Variants in TTC34 observed in about 807,000 individuals in gnomAD.
TTC34 encodes tetratricopeptide repeat protein 34.
Under a neutral mutation model 40.7 loss-of-function variants are expected in TTC34, and 44 were observed. The observed-to-expected ratio is 1.08, with a 90% CI of 0.85 to 1.39. The LOEUF (loss-of-function observed/expected upper bound fraction) is 1.39. TTC34 is among the 40% of genes most tolerant of loss of function. The pLI is 0.00. For missense variants in TTC34, 884 were observed against 838.0 expected (o/e 1.05, Z -0.68); for synonymous variants, 422 against 398.6 (o/e 1.06, Z -0.70).
chr1:2,789,034 C>T (rs553364108), intron 3 of TTC34, among the ~76,000 whole-genome samples: 19 of 152,190 alleles, frequency 1.2e-4, no homozygotes, highest in African/African-American at 4.6e-4. Context: ...GCCAAGATTG[C>T]GCCATTGCAC....
At chr1:2,786,942 T>A (rs1643598368) in intron 4 of TTC34, among the ~76,000 whole-genome samples, 1 of 152,156 alleles carries the variant, frequency 6.6e-6, no homozygotes, top group Non-Finnish European at 1.5e-5. Context: ...GAGAAGGCCC[T>A]CACCCCAGGC....
exon 9 of TTC34, chr1:2,640,970 G>A (rs1197697749): frequency 6.1e-6 from 1 of 162,686 alleles, no homozygotes; most frequent in African/African-American, 2.6e-5. Context: ...AGAGGTGTGA[G>A]GCTGGCTGTC....
intron 6 of TTC34, among the ~76,000 whole-genome samples, chr1:2,687,632 G>A (rs1469489112): frequency 6.7e-6 from 1 of 148,826 alleles, no homozygotes; most frequent in Non-Finnish European, 1.5e-5. Flanking sequence ...TGATATCCTG[G>A]AACAGCACCC....
chr1:2,771,360 C>T lies in TTC34; in HGVS notation c.2226+12249G>A, dbSNP rs1475923664. Among the ~76,000 whole-genome samples the T allele has an allele frequency of 9.5e-5, 6 of 63,448 alleles. 2 individuals are homozygous for T. Among genetic ancestry groups the T allele is most frequent in the Non-Finnish European group, 1.6e-4 (6 of 37,556 alleles). The allele number at this position is 63,448 out of a possible 152,430, so 41.6% of individuals were successfully genotyped here. A position where few individuals can be genotyped will look rare whatever the true frequency, so the allele number is the denominator to read the frequency against. On this transcript the variant is annotated intron_variant, in intron 6 of 8. Transcript: ENST00000401095. ...TCTGACAGCCTGGAACAGAATTCTC[C>T]AACCACAGGTGAGGATCTGACAGCC... is the stretch of plus-strand genomic sequence containing the variant.
chr1:2,687,175 G>C (rs868799819), intron 6 of TTC34, among the ~76,000 whole-genome samples: 1 of 142,508 alleles, frequency 7.0e-6, no homozygotes, highest in Non-Finnish European at 1.5e-5. Context: ...ACACAGGCGA[G>C]CATCTGAACC....
At chr1:2,697,243 C>T (rs1363577639) in intron 6 of TTC34, among the ~76,000 whole-genome samples, 5 of 100,594 alleles carry the variant, frequency 5.0e-5, no homozygotes, top group Non-Finnish European at 8.6e-5. Context: ...GCACCCTGCA[C>T]CCCCAGGTGA....
intron 6 of TTC34, among the ~76,000 whole-genome samples, chr1:2,688,307 C>CAT (rs1640464923): frequency 9.1e-6 from 1 of 109,926 alleles, no homozygotes; most frequent in African/African-American, 4.3e-5. Flanking sequence ...GAGCATCTGA[C>CAT]AGCCTGGAGC....
intron 6 of TTC34, among the ~76,000 whole-genome samples, chr1:2,759,954 A>AGCAACACCC (rs1641640620): frequency 7.2e-6 from 1 of 139,104 alleles, no homozygotes. Flanking sequence ...CTGGAAAGGC[A>AGCAACACCC]CCCACACCAC....
chr1:2,760,444 CA>C (rs1641658225), intron 6 of TTC34, among the ~76,000 whole-genome samples: 1 of 55,426 alleles, frequency 1.8e-5, no homozygotes, highest in Admixed American at 1.8e-4. Flanking sequence ...AGCATCCACA[CA>C]CCCAGGCGAG....
intron 6 of TTC34, among the ~76,000 whole-genome samples, chr1:2,780,838 C>A (rs1282452887): frequency 6.6e-6 from 1 of 152,146 alleles, no homozygotes; most frequent in Non-Finnish European, 1.5e-5. Context: ...ATCTGTAGAT[C>A]ACTTTGGGTA....
chr1:2,685,956 A>G (rs1640320046), intron 6 of TTC34, among the ~76,000 whole-genome samples: 1 of 135,934 alleles, frequency 7.4e-6, no homozygotes, highest in Non-Finnish European at 1.6e-5. Flanking sequence ...AACAGCACCC[A>G]CACCCACAGG....
In TTC34 at chr1:2,800,287, G is replaced by A. The variant is rs748722713; in HGVS notation, c.541C>T (p.Arg181Trp). The change falls in exon 2 of 9, where the codon CGG becomes TGG. Residue 181 changes from arginine (R) to tryptophan (W), a missense_variant. Coordinates refer to ENST00000401095, the Ensembl canonical transcript of TTC34. ...CTGAGCAGCGCGGGGAGGTGGGGCCGCTGGTGGGTGCGAATGAAAGCTACC... is the reference window on the plus strand; with the variant it reads ...CTGAGCAGCGCGGGGAGGTGGGGCCACTGGTGGGTGCGAATGAAAGCTACC... 124 of 398,520 alleles carry A rather than the reference G, an allele frequency of 3.1e-4. 1 individual carries two copies. The highest frequency in any genetic ancestry group is 6.2e-4 in the Middle Eastern group (1 of 1,612). The allele number at this position is 398,520 out of a possible 1,614,324, so 24.7% of individuals were successfully genotyped here.
chr1:2,650,384 A>G (rs1639104895), intron 6 of TTC34, among the ~76,000 whole-genome samples: 1 of 151,930 alleles, frequency 6.6e-6, no homozygotes, highest in South Asian at 2.1e-4. Context: ...CTACATCCCC[A>G]GGTGAGCATC....
intron 6 of TTC34, among the ~76,000 whole-genome samples, chr1:2,687,086 C>T (rs1321142355): frequency 4.9e-5 from 7 of 144,302 alleles, no homozygotes; most frequent in Admixed American, 4.7e-4. Flanking sequence ...ACCCACACCC[C>T]CAGGTGAACA....
exon 9 of TTC34, chr1:2,640,381 A>T (rs539951123): frequency 6.6e-6 from 1 of 152,314 alleles, no homozygotes; most frequent in African/African-American, 2.4e-5. Flanking sequence ...TAACGCACGT[A>T]TAAGAACAAG....
intron 6 of TTC34, among the ~76,000 whole-genome samples, chr1:2,652,070 A>AAC (rs1639155048): frequency 4.2e-5 from 2 of 47,656 alleles, no homozygotes; most frequent in Non-Finnish European, 4.4e-5. Flanking sequence ...GACAGCCTGG[A>AAC]GGAGCACCCA....
intron 6 of TTC34, among the ~76,000 whole-genome samples, chr1:2,780,920 TATTTA>T (rs1336800004): frequency 1.6e-4 from 25 of 152,342 alleles, no homozygotes; most frequent in African/African-American, 5.3e-4. Context: ...GTTTATGTCT[TATTTA>T]ATTTATTTCA....
intron 6 of TTC34, among the ~76,000 whole-genome samples, chr1:2,684,474 C>A (rs1342933187): frequency 2.0e-5 from 3 of 149,586 alleles, no homozygotes; most frequent in Non-Finnish European, 2.9e-5. Context: ...ACAGCACCCA[C>A]ACACCCAGGC....
intron 6 of TTC34, among the ~76,000 whole-genome samples, chr1:2,769,401 C>T (rs370281992): frequency 1.2e-3 from 40 of 34,500 alleles, no homozygotes; most frequent in Admixed American, 2.4e-3. Context: ...AGGTGAGCAT[C>T]TGACAGCCTG....
Sources: allele counts gnomAD v4.1 joint callset (sites outside exome capture counted in the v4.1 genomes callset), GRCh38; gene constraint gnomAD v4.1.1; transcripts MANE v1.5; gene names NCBI Gene and HGNC (gene_info 2026-07-23, HGNC 2026-07-21).